The following TENM4 variants were observed in gnomAD, a reference collection of about 807,000 sequenced individuals.
The protein encoded by TENM4 is teneurin transmembrane protein 4.
In TENM4, 82 loss-of-function variants were observed where a neutral mutation model predicts 243.3. The observed-to-expected ratio is 0.34, with a 90% confidence interval of 0.28 to 0.40. The LOEUF (loss-of-function observed/expected upper bound fraction) is 0.40, where lower values mean the gene tolerates loss of function less well. Among genes scored for constraint, TENM4 ranks in the 10% least tolerant of loss-of-function variants. TENM4 has a pLI of 1.00. For synonymous variants in TENM4, 1,412 were observed against 1,456.3 expected (o/e 0.97, Z 0.69); for missense variants, 3,138 against 3,673.3 (o/e 0.85, Z 3.77).
chr11:79,109,940 A>C (rs576431026), intron 4 of TENM4, among the ~76,000 whole-genome samples: 54 of 152,328 alleles, frequency 3.5e-4, no homozygotes, highest in South Asian at 3.1e-3. Context: ...CACACTGTGA[A>C]TGCTAATGCA....
chr11:78,955,435 T>C (rs1027069345), intron 6 of TENM4, among the ~76,000 whole-genome samples: 2 of 152,194 alleles, frequency 1.3e-5, no homozygotes, highest in Admixed American at 6.5e-5. Flanking sequence ...AAGGGATCCA[T>C]GGAGCAGACC....
At position 78,669,595 on chromosome 11, in the gene TENM4, G is replaced by A. The variant is rs753999795; in HGVS notation, c.6750C>T (p.Asp2250=). Reference sequence around the variant, plus strand: ...CATCCTCATCCATCTTGTATTGCACGTCACCCAGCCGAGTGATGCGGTCGC... The same window carrying A: ...CATCCTCATCCATCTTGTATTGCACATCACCCAGCCGAGTGATGCGGTCGC... The part of the protein sequence containing the change: ...DIRDRITRLG[D]VQYKMDEDGF... Residue 2250 remains aspartate (D), a synonymous_variant, in exon 32 of 34, where the codon GAC becomes GAT. Coordinates refer to ENST00000278550, the MANE Select transcript of TENM4 (RefSeq NM_001098816.3). The surrounding 1 kb of genome is among the most constrained non-coding windows in gnomAD (Gnocchi z 6.4). 40 of 1,613,920 alleles carry A rather than the reference G, an allele frequency of 2.5e-5. No homozygotes were observed. Among genetic ancestry groups the A allele is most frequent in the Non-Finnish European group, 3.1e-5 (37 of 1,179,882 alleles).
chr11:79,202,645 G>T (rs748148162), intron 3 of TENM4, among the ~76,000 whole-genome samples: 2 of 152,188 alleles, frequency 1.3e-5, no homozygotes, highest in African/African-American at 2.4e-5. Flanking sequence ...GGACAGTCCA[G>T]TGGTGGCCCC....
chr11:79,178,473 A>G (rs921454191), intron 3 of TENM4, among the ~76,000 whole-genome samples: 3 of 152,200 alleles, frequency 2.0e-5, no homozygotes, highest in Non-Finnish European at 4.4e-5. Context: ...AACCAGTGAA[A>G]GAGGTGGAAG....
intron 6 of TENM4, among the ~76,000 whole-genome samples, chr11:79,004,871 A>G (rs1858437351): frequency 6.6e-6 from 1 of 151,858 alleles, no homozygotes; most frequent in South Asian, 2.1e-4. Context: ...AAAGAAAAAA[A>G]GAGAGAAGAT....
At chr11:79,221,384 G>C (rs751650943) in intron 2 of TENM4, among the ~76,000 whole-genome samples, 13 of 151,762 alleles carry the variant, frequency 8.6e-5, no homozygotes, top group Non-Finnish European at 1.3e-4. Context: ...GATGAAGCAG[G>C]TTATTTCACT....
intron 2 of TENM4, among the ~76,000 whole-genome samples, chr11:79,253,124 G>A (rs896141758): frequency 3.9e-5 from 6 of 152,226 alleles, no homozygotes; most frequent in Admixed American, 3.3e-4. Context: ...TATTCTGTCT[G>A]TGAAGCCCCA....
chr11:79,069,005 G>T (rs1292216843), intron 5 of TENM4, among the ~76,000 whole-genome samples: 1 of 152,188 alleles, frequency 6.6e-6, no homozygotes, highest in Non-Finnish European at 1.5e-5. Flanking sequence ...GTGAAGGGGG[G>T]TGGTTGTGGT....
At chr11:79,273,965 T>C (rs1565278459) in intron 2 of TENM4, among the ~76,000 whole-genome samples, 1 of 152,290 alleles carries the variant, frequency 6.6e-6, no homozygotes, top group East Asian at 1.9e-4. Flanking sequence ...CCAGATCCAA[T>C]ATCAGTGAAA....
chr11:79,412,518 A>G (rs1024386624), intron 1 of TENM4, among the ~76,000 whole-genome samples: 1 of 152,164 alleles, frequency 6.6e-6, no homozygotes, highest in Non-Finnish European at 1.5e-5. Flanking sequence ...CTTACTACCC[A>G]TGTGACCTTG....
chr11:78,990,913 A>G (rs1318464865), intron 6 of TENM4, among the ~76,000 whole-genome samples: 4 of 152,234 alleles, frequency 2.6e-5, no homozygotes, highest in African/African-American at 7.2e-5. Context: ...ATAATTAGAA[A>G]AAGGATATTA....
chr11:79,205,193 T>G (rs905612593), intron 3 of TENM4, among the ~76,000 whole-genome samples: 2 of 152,184 alleles, frequency 1.3e-5, no homozygotes, highest in African/African-American at 4.8e-5. Flanking sequence ...CACATGCAGT[T>G]TTAAGAAACA....
In TENM4 at chr11:79,437,988, A is replaced by C. The variant is rs117412786; in HGVS notation, c.-321+2521T>G. On this transcript the variant is annotated intron_variant, in intron 1 of 33. Transcript: ENST00000278550. ...GTTAAGGATCATGGCAGCGGCAGGA[A>C]ATCCGAAGGGCCCCACAGGTCTGCG... 5.6e-3 allele frequency among the ~76,000 whole-genome samples: 847 copies of C among 152,304 alleles called. 2 individuals carry two copies. Among genetic ancestry groups the C allele is most frequent in the Non-Finnish European group, 7.9e-3 (537 of 68,024 alleles).
At chr11:79,065,684 G>C (rs890911746) in intron 5 of TENM4, among the ~76,000 whole-genome samples, 6 of 152,198 alleles carry the variant, frequency 3.9e-5, no homozygotes, top group Non-Finnish European at 5.9e-5. Context: ...CAGGAAAAAG[G>C]CTCTGCCTGC....
chr11:79,066,574 G>A (rs188408803), intron 5 of TENM4, among the ~76,000 whole-genome samples: 39 of 151,760 alleles, frequency 2.6e-4, no homozygotes, highest in East Asian at 1.2e-3. Flanking sequence ...ACGTGCACGC[G>A]CACACACACA....
chr11:78,710,680 CCT>C (rs1859376729), intron 26 of TENM4, among the ~76,000 whole-genome samples: 1 of 152,136 alleles, frequency 6.6e-6, no homozygotes, highest in Non-Finnish European at 1.5e-5. Context: ...TGATCTGTCC[CCT>C]GATTAATTAC....
At chr11:79,203,019 G>T (rs902273739) in intron 3 of TENM4, among the ~76,000 whole-genome samples, 1 of 152,216 alleles carries the variant, frequency 6.6e-6, no homozygotes, top group East Asian at 1.9e-4. Flanking sequence ...GGAGGGAAAA[G>T]TTAATTATGA....
Position 79,121,822 on chromosome 11 carries a change from G to C in TENM4, c.-66+26888C>G, listed in dbSNP as rs148500237. Among the ~76,000 whole-genome samples, 858 of 152,306 alleles carry C rather than the reference G, an allele frequency of 5.6e-3. 11 individuals carry two copies. Among genetic ancestry groups the C allele is most frequent in the African/African-American group, 0.02 (811 of 41,556 alleles). On this transcript the variant is annotated intron_variant, in intron 4 of 33. Transcript: ENST00000278550. ...ATTCTGGACCCACTGCACACTGGCT[G>C]TCTGACCATGGACAAGTTTCCTCAC... is the stretch of plus-strand genomic sequence containing the variant.
rs1210358702 is a variant in TENM4 at position 79,006,493 on chromosome 11, G to A, written c.493+58245C>T. On this transcript the variant is annotated intron_variant, in intron 6 of 33. Transcript: ENST00000278550. ...GAACCTTGGTCAGGTATCACACAAG[G>A]CATTTTAATATCTGATTCCTGTGAA... is the stretch of plus-strand genomic sequence containing the variant. Among the ~76,000 whole-genome samples, 7 of 152,150 alleles carry A rather than the reference G, an allele frequency of 4.6e-5. No homozygotes were observed. The East Asian group carries it at 9.6e-4, about 21-fold the overall frequency.
Sources: allele counts gnomAD v4.1 joint callset (sites outside exome capture counted in the v4.1 genomes callset), GRCh38; gene constraint gnomAD v4.1.1; non-coding constraint Gnocchi (gnomAD v3.1); transcripts MANE v1.5; gene names NCBI Gene and HGNC (gene_info 2026-07-23, HGNC 2026-07-21).